EFL1: variants seen among roughly 807,000 people sequenced by gnomAD.
EFL1 encodes the protein elongation factor-like GTPase 1.
In EFL1, 76 loss-of-function variants were observed where a neutral mutation model predicts 126.7. The observed-to-expected ratio is 0.60, with a 90% CI of 0.50 to 0.73. The LOEUF (loss-of-function observed/expected upper bound fraction) is 0.73. Among genes scored for constraint, EFL1 ranks in the 30% least tolerant of loss-of-function variants. EFL1 has a pLI of 0.00. For synonymous variants in EFL1, 410 were observed against 448.4 expected, an observed-to-expected ratio of 0.91 and a Z score of 1.08; for missense variants, 1,128 against 1,343.2, an observed-to-expected ratio of 0.84 and a Z score of 2.50.
At chr15:82,146,312 C>T (rs2141222015) in intron 18 of EFL1, among the ~76,000 whole-genome samples, 1 of 152,170 alleles carries the variant, frequency 6.6e-6, no homozygotes, top group African/African-American at 2.4e-5. Flanking sequence ...CAACTTGTGC[C>T]GATTCTTGGA....
chr15:82,142,047 T>A (rs2073794563), intron 18 of EFL1, among the ~76,000 whole-genome samples: 1 of 152,232 alleles, frequency 6.6e-6, no homozygotes, highest in Non-Finnish European at 1.5e-5. Flanking sequence ...AATGCTTGGA[T>A]GCATTCAAAG....
At chr15:82,243,777 G>A (rs62012055) in intron 4 of EFL1, among the ~76,000 whole-genome samples, 69,234 of 150,020 alleles carry the variant, frequency 0.46, 16,498 homozygotes, top group African/African-American at 0.52. Context: ...CTAAGTACGC[G>A]TCCATTTCCA....
intron 15 of EFL1, among the ~76,000 whole-genome samples, chr15:82,185,751 A>G (rs2074297168): frequency 6.6e-6 from 1 of 152,174 alleles, no homozygotes; most frequent in African/African-American, 2.4e-5. Context: ...CTAAAACTCG[A>G]TACCTTTAGT....
chr15:82,198,693 G>C (rs1163473220), intron 15 of EFL1, among the ~76,000 whole-genome samples: 16 of 152,166 alleles, frequency 1.1e-4, no homozygotes, highest in Admixed American at 3.3e-4. Flanking sequence ...AGAAAGGAAG[G>C]CCATAGAGAT....
At chr15:82,230,638 G>C (rs755708901) in intron 8 of EFL1, among the ~76,000 whole-genome samples, 2 of 152,072 alleles carry the variant, frequency 1.3e-5, no homozygotes, top group South Asian at 2.1e-4. Flanking sequence ...GCAGTTCTTT[G>C]CTCACTATAC....
Position 82,151,454 on chromosome 15 carries a change from T to C in EFL1, c.2989+11A>G, listed in dbSNP as rs753538802. 3.1e-6 allele frequency: 5 copies of C among 1,591,994 alleles called. 1 individual carries two copies. The South Asian group carries it at 5.7e-5, about 18-fold the overall frequency. ...GGGCATTTCTCACTATCTTTACCTT[T>C]TCTTCCTTACCGAGAACATCACCAG... is the stretch of plus-strand genomic sequence containing the variant. On this transcript the variant is annotated intron_variant, in intron 18 of 19. Coordinates refer to ENST00000268206, the MANE Select transcript of EFL1 (RefSeq NM_024580.6).
chr15:82,145,263 G>A (rs1378443164), intron 18 of EFL1, among the ~76,000 whole-genome samples: 8 of 141,760 alleles, frequency 5.6e-5, no homozygotes, highest in Non-Finnish European at 9.0e-5. Flanking sequence ...AGATTGCACC[G>A]TTGCACTCCA....
intron 15 of EFL1, among the ~76,000 whole-genome samples, chr15:82,199,906 GC>G (rs1220063528): frequency 1.3e-5 from 2 of 152,072 alleles, no homozygotes; most frequent in Non-Finnish European, 2.9e-5. Context: ...TTTAAAAATA[GC>G]CCCCAATTAT....
chr15:82,136,808 G>A (rs1349151446), intron 19 of EFL1, among the ~76,000 whole-genome samples: 1 of 152,030 alleles, frequency 6.6e-6, no homozygotes, highest in African/African-American at 2.4e-5. Flanking sequence ...TGTTTGGGGG[G>A]TACTGTTTTC....
intron 17 of EFL1, 190 bp downstream of exon 17, chr15:82,157,523 G>A: frequency 1.7e-6 from 1 of 584,018 alleles, no homozygotes; most frequent in Non-Finnish European, 2.7e-6. Flanking sequence ...TTCAAGTGTA[G>A]GCAGTGAATG....
chr15:82,199,589 C>T (rs942450861), intron 15 of EFL1, among the ~76,000 whole-genome samples: 3 of 152,194 alleles, frequency 2.0e-5, no homozygotes, highest in African/African-American at 4.8e-5. Flanking sequence ...GAAACCAGAA[C>T]AACATAATGC....
At chr15:82,173,880 C>T (rs7166570) in intron 15 of EFL1, among the ~76,000 whole-genome samples, 101,081 of 151,942 alleles carry the variant, frequency 0.67, 35,365 homozygotes, top group African/African-American at 0.89. Flanking sequence ...ATAAAACAAT[C>T]TTTTTTTCTT....
chr15:82,155,538 T>C (rs1029451435), intron 17 of EFL1, among the ~76,000 whole-genome samples: 4 of 152,144 alleles, frequency 2.6e-5, no homozygotes, highest in African/African-American at 9.7e-5. Context: ...ACTGTTGCTA[T>C]GCGTATTCTT....
At chr15:82,157,535 C>T (rs1200888718) in intron 17 of EFL1, 178 bp downstream of exon 17, 5 of 694,414 alleles carry the variant, frequency 7.2e-6, no homozygotes, top group Admixed American at 3.6e-5. Flanking sequence ...CAGTGAATGC[C>T]ATTTTTCAGT....
At position 82,226,451 on chromosome 15, in the gene EFL1, T is replaced by A. The variant is rs114647880; in HGVS notation, c.1192+999A>T. Among the ~76,000 whole-genome samples, 345 of 152,306 alleles carry A rather than the reference T, an allele frequency of 2.3e-3. 3 individuals are homozygous for A. The highest frequency in any genetic ancestry group is 7.9e-3 in the African/African-American group (329 of 41,562). On this transcript the variant is annotated intron_variant, in intron 11 of 19. Transcript: ENST00000268206. ...GAATAAACAGGATTTGCTGATGGAC[T>A]GGATGTTGGAGTGTGAGATAAATAT... is the stretch of plus-strand genomic sequence containing the variant.
intron 18 of EFL1, among the ~76,000 whole-genome samples, chr15:82,144,998 G>T (rs371372883): frequency 3.2e-5 from 4 of 126,466 alleles, no homozygotes; most frequent in South Asian, 5.1e-4. Context: ...ACTCAAAAAA[G>T]AAAAAAAAAA....
chr15:82,259,906 C>A (rs147609062), intron 2 of EFL1, among the ~76,000 whole-genome samples: 1 of 152,166 alleles, frequency 6.6e-6, no homozygotes, highest in Non-Finnish European at 1.5e-5. Flanking sequence ...ATATTTAACA[C>A]TGCTATCTGT....
Position 82,151,774 on chromosome 15 carries a change from G to A in EFL1, c.2680C>T (p.Leu894=), listed in dbSNP as rs1423019831. ...EEPLMGVCFV[L]EKWDLSKFEE... ...AATTTACTTAGGTCCCATTTTTCCA[G>A]AACAAAACAGACACCCATGAGAGGC... Residue 894 remains leucine, a synonymous_variant, in exon 18 of 20, where the codon CTG becomes TTG. Transcript: ENST00000268206. The A allele has an allele frequency of 6.8e-6, 11 of 1,613,896 alleles. No homozygotes were observed. Among genetic ancestry groups the A allele is most frequent in the Non-Finnish European group, 9.3e-6 (11 of 1,180,014 alleles).
In EFL1 at chr15:82,241,444, G is replaced by A. The variant is rs770989603; in HGVS notation, c.245-41C>T. On this transcript the variant is annotated intron_variant, in intron 4 of 19. Coordinates refer to ENST00000268206, the MANE Select transcript of EFL1 (RefSeq NM_024580.6). ...TAAACACACATTTTCAGTTGTCCAG[G>A]TACACAATGTTCTTCCTCAGGCGTT... 5.0e-6 allele frequency: 8 copies of A among 1,589,876 alleles called. No individual in the cohort carries two copies. In the South Asian group the frequency reaches 8.0e-5, roughly 16 times the overall value.
Sources: allele counts gnomAD v4.1 joint callset (sites outside exome capture counted in the v4.1 genomes callset), GRCh38; gene constraint gnomAD v4.1.1; transcripts MANE v1.5; gene names NCBI Gene and HGNC (gene_info 2026-07-23, HGNC 2026-07-21).